The following TRPM3 variants were observed in gnomAD, a reference collection of about 807,000 sequenced individuals.
TRPM3 encodes the protein long transient receptor potential channel 3.
In TRPM3, 77 loss-of-function variants were observed where a neutral mutation model predicts 181.2. The ratio of observed to expected loss-of-function variants is 0.42; its 90% confidence interval spans 0.35 to 0.51. The LOEUF (loss-of-function observed/expected upper bound fraction) is 0.51. TRPM3 is among the 20% of genes least tolerant of loss of function. The pLI is 0.01. For missense variants in TRPM3, 1,759 were observed against 2,196.7 expected (o/e 0.80, Z 3.98); for synonymous variants, 745 against 796.4 (o/e 0.94, Z 1.09).
At chr9:70,812,089 G>A (rs1339438364) in intron 6 of TRPM3, among the ~76,000 whole-genome samples, 1 of 152,170 alleles carries the variant, frequency 6.6e-6, no homozygotes, top group Non-Finnish European at 1.5e-5. Flanking sequence ...TTGGTCAGAT[G>A]GTCTCAGAGG....
Position 71,392,553 on chromosome 9 carries a change from T to C in TRPM3, c.183+54100A>G, listed in dbSNP as rs113160042. On this transcript the variant is annotated intron_variant, in intron 1 of 24. Coordinates refer to the TRPM3 transcript ENST00000357533. ...CTCCATTTTCAAATATGCTGCCTCA[T>C]TTCTCCTTGTGTCTACATCCTACTT... 5.8e-4 allele frequency among the ~76,000 whole-genome samples: 88 copies of C among 152,220 alleles called. 1 individual carries two copies. Among genetic ancestry groups the C allele is most frequent in the African/African-American group, 2.0e-3 (83 of 41,558 alleles).
intron 1 of TRPM3, among the ~76,000 whole-genome samples, chr9:71,314,829 G>A (rs1248343481): frequency 6.6e-6 from 1 of 150,908 alleles, no homozygotes; most frequent in East Asian, 1.9e-4. Flanking sequence ...TTTTCTTTGA[G>A]GCCAGCAGGA....
intron 8 of TRPM3, among the ~76,000 whole-genome samples, chr9:70,743,486 TCTC>T (rs2074544841): frequency 6.6e-6 from 1 of 152,186 alleles, no homozygotes; most frequent in Non-Finnish European, 1.5e-5. Flanking sequence ...CCTAAAATGA[TCTC>T]CTATGCAATC....
chr9:70,590,942 T>G, intron 22 of TRPM3, 89 bp downstream of exon 22: 111 of 1,564,972 alleles, frequency 7.1e-5, no homozygotes, highest in Non-Finnish European at 8.4e-5. Context: ...AGCCATTTAT[T>G]GAGAACAAAC....
At chr9:70,960,218 C>A (rs1007956509) in intron 1 of TRPM3, among the ~76,000 whole-genome samples, 17 of 151,914 alleles carry the variant, frequency 1.1e-4, no homozygotes, top group Non-Finnish European at 2.2e-4. Context: ...CGTGAACACT[C>A]ATTTCAAACT....
intron 1 of TRPM3, among the ~76,000 whole-genome samples, chr9:71,347,401 T>C (rs905192467): frequency 2.6e-5 from 4 of 152,240 alleles, no homozygotes; most frequent in Non-Finnish European, 5.9e-5. Context: ...AAGCTCTTTG[T>C]CCATAGATTT....
intron 1 of TRPM3, among the ~76,000 whole-genome samples, chr9:71,072,249 C>G (rs1591180916): frequency 6.6e-6 from 1 of 152,288 alleles, no homozygotes; most frequent in African/African-American, 2.4e-5. Flanking sequence ...TGGTCAGCAT[C>G]AAGGCCACAG....
intron 6 of TRPM3, among the ~76,000 whole-genome samples, chr9:70,822,364 T>A (rs1451534204): frequency 6.6e-6 from 1 of 152,216 alleles, no homozygotes; most frequent in East Asian, 1.9e-4. Flanking sequence ...TGACCATGCA[T>A]CACTCTTGAA....
intron 1 of TRPM3, among the ~76,000 whole-genome samples, chr9:71,417,311 C>T (rs1483680257): frequency 6.6e-6 from 1 of 151,964 alleles, no homozygotes; most frequent in Non-Finnish European, 1.5e-5. Flanking sequence ...CCAGCAGTGT[C>T]AATCATTAAT....
chr9:71,257,739 C>A (rs1386452050), intron 1 of TRPM3, among the ~76,000 whole-genome samples: 1 of 152,112 alleles, frequency 6.6e-6, no homozygotes, highest in Non-Finnish European at 1.5e-5. Flanking sequence ...TAAGTCTGTA[C>A]TTCCATGTAT....
intron 1 of TRPM3, among the ~76,000 whole-genome samples, chr9:71,326,420 A>G (rs771495480): frequency 2.0e-5 from 3 of 152,152 alleles, no homozygotes; most frequent in South Asian, 4.1e-4. Flanking sequence ...GCATGCATGT[A>G]TGTTTGTATG....
rs138120662 is a variant in TRPM3 at position 71,386,323 on chromosome 9, C to T, written c.183+60330G>A. Among the ~76,000 whole-genome samples the T allele has an allele frequency of 5.9e-3, 890 of 151,804 alleles. 39 individuals carry two copies. In the South Asian group the frequency reaches 0.098, roughly 17 times the overall value. ...AATTAGCCCGGTGTGGCGGTGCACG[C>T]GTGTAGTCCCAGCTACTTGGGAGGC... On this transcript the variant is annotated intron_variant, in intron 1 of 24. Transcript: ENST00000357533.
chr9:71,187,579 A>T (rs996566106), intron 1 of TRPM3, among the ~76,000 whole-genome samples: 17 of 152,016 alleles, frequency 1.1e-4, no homozygotes, highest in African/African-American at 4.1e-4. Flanking sequence ...AAAACAAAAA[A>T]CCATTTTAGG....
chr9:71,271,990 T>C (rs974781311), intron 1 of TRPM3, among the ~76,000 whole-genome samples: 1 of 152,218 alleles, frequency 6.6e-6, no homozygotes, highest in Non-Finnish European at 1.5e-5. Context: ...CGATCCTTGT[T>C]GTGCCAGCTG....
intron 6 of TRPM3, among the ~76,000 whole-genome samples, chr9:70,798,173 G>A (rs1457750709): frequency 6.6e-6 from 1 of 152,144 alleles, no homozygotes; most frequent in Non-Finnish European, 1.5e-5. Flanking sequence ...TCCAACATCA[G>A]CCTACAGAGT....
At chr9:71,176,813 C>T (rs1053200044) in intron 1 of TRPM3, among the ~76,000 whole-genome samples, 39 of 152,002 alleles carry the variant, frequency 2.6e-4, no homozygotes, top group African/African-American at 8.9e-4. Flanking sequence ...TTTAGATACA[C>T]CAATATTTAA....
intron 1 of TRPM3, among the ~76,000 whole-genome samples, chr9:71,308,937 G>T (rs1169798521): frequency 6.6e-6 from 1 of 152,146 alleles, no homozygotes; most frequent in Non-Finnish European, 1.5e-5. Context: ...ACATGACATA[G>T]ATTGATGGAG....
At position 71,446,516 on chromosome 9, in the gene TRPM3, TATTTC is replaced by T. The variant is rs1156258345; in HGVS notation, c.183+132_183+136del. ...CCCTTCCTCACAGCCCCCAGCACTC[TATTTC>T]ATTAGAAGCGGCGCCACAAGTTCCC... is the stretch of plus-strand genomic sequence containing the variant. On this transcript the variant is annotated intron_variant, in intron 1 of 24. Transcript: ENST00000357533. 6.0e-5 allele frequency: 53 copies of T among 885,124 alleles called. 2 individuals carry two copies. The highest frequency in any genetic ancestry group is 5.0e-4 in the Middle Eastern group (2 of 3,970). 54.8% of individuals were successfully genotyped at this position (885,124 alleles called of 1,614,324 possible). A position where few individuals can be genotyped will look rare whatever the true frequency, so the allele number is the denominator to read the frequency against.
At chr9:70,954,989 G>T (rs1008395884) in intron 1 of TRPM3, among the ~76,000 whole-genome samples, 1 of 152,112 alleles carries the variant, frequency 6.6e-6, no homozygotes, top group Admixed American at 6.6e-5. Flanking sequence ...GAGTGCCTGC[G>T]AGTTACTTAC....
Sources: allele counts gnomAD v4.1 joint callset (sites outside exome capture counted in the v4.1 genomes callset), GRCh38; gene constraint gnomAD v4.1.1; transcripts MANE v1.5; gene names NCBI Gene and HGNC (gene_info 2026-07-23, HGNC 2026-07-21).